The following OPHN1 variants were observed in gnomAD, a reference collection of about 807,000 sequenced individuals.
The protein encoded by OPHN1 is oligophrenin-1.
OPHN1 carries 11 observed loss-of-function variants against 60.7 expected under a neutral mutation model. The ratio of observed to expected loss-of-function variants is 0.18; its 90% CI spans 0.11 to 0.30. The LOEUF is 0.30. Among genes scored for constraint, OPHN1 ranks in the 10% least tolerant of loss-of-function variants. OPHN1 has a pLI of 1.00. For synonymous variants in OPHN1, 226 were observed against 222.6 expected, an observed-to-expected ratio of 1.02 and a Z score of -0.14; for missense variants, 449 against 611.0, an observed-to-expected ratio of 0.73 and a Z score of 2.80.
intron 15 of OPHN1, among the ~76,000 whole-genome samples, chrX:68,183,643 A>G (rs866380573): frequency 9.1e-6 from 1 of 109,857 alleles, no homozygotes; most frequent in South Asian, 3.7e-4. Context: ...AAGTCCTTTT[A>G]CTTTGTCTTG....
At chrX:68,193,636 A>G (rs186988423) in intron 14 of OPHN1, among the ~76,000 whole-genome samples, 2 of 111,880 alleles carry the variant, frequency 1.8e-5, no homozygotes, top group Admixed American at 9.5e-5. Flanking sequence ...CCATCATGAC[A>G]CTGCTTAAGG....
chrX:68,052,765 C>A (rs1377413638), intron 22 of OPHN1, among the ~76,000 whole-genome samples, 175 bp from the exon 23 acceptor site: 1 of 111,944 alleles, frequency 8.9e-6, no homozygotes, highest in East Asian at 2.8e-4. Flanking sequence ...CCCATAGGCA[C>A]CCCTAAGGCC....
intron 2 of OPHN1, among the ~76,000 whole-genome samples, chrX:68,340,412 T>G (rs1229005685): frequency 8.9e-6 from 1 of 112,060 alleles, no homozygotes; most frequent in East Asian, 2.8e-4. Context: ...GCCTACACAT[T>G]TGTGGTCAAT....
chrX:68,052,589 C>T lies in OPHN1; in HGVS notation c.2326G>A (p.Val776Met). 1 of 1,206,971 alleles carries T rather than the reference C, an allele frequency of 8.3e-7. No homozygotes were observed. The highest frequency in any genetic ancestry group is 1.8e-5 in the South Asian group (1 of 55,848). Residue 776 changes from valine (V) to methionine (M), a missense_variant and splice_region_variant, in exon 23 of 25, where the codon GTG becomes ATG. Val to Met is a conservative substitution (Grantham distance 21). This residue lies in a region of OPHN1 where 184 missense variants were observed against 160.5 expected (regional missense o/e 1.15). Coordinates refer to ENST00000355520, the MANE Select transcript of OPHN1 (RefSeq NM_002547.3). Reference protein sequence around the residue: ...GNAGEITSSVVASRTRFFETA... With the variant: ...GNAGEITSSVMASRTRFFETA... ...TCAAAAAACCTGGTCCTGGAAGCCA[C>T]CCTGCAAACAGAAGCCAACCAAGTC...
rs754756151 is a variant in OPHN1, at chrX:68,209,463, G to A, written c.832+690C>T. 3.1e-3 allele frequency among the ~76,000 whole-genome samples: 348 copies of A among 111,803 alleles called. 3 individuals carry two copies. Among genetic ancestry groups the A allele is most frequent in the African/African-American group, 0.011 (331 of 30,786 alleles). On this transcript the variant is annotated intron_variant, in intron 9 of 24. Transcript: ENST00000355520. ...TGCCTTTAGGTGCAGCCACTCAGGA[G>A]GCTGAGGTAGGAGGGCTGCTTGAGC...
At chrX:68,314,817 C>A (rs192657605) in intron 2 of OPHN1, among the ~76,000 whole-genome samples, 2 of 109,802 alleles carry the variant, frequency 1.8e-5, no homozygotes, top group Admixed American at 2.0e-4. Context: ...GAATCCCTGT[C>A]TCTACTAAAA....
At chrX:68,217,715 G>A (rs1174106911) in intron 6 of OPHN1, among the ~76,000 whole-genome samples, 2 of 109,874 alleles carry the variant, frequency 1.8e-5, no homozygotes, top group Admixed American at 9.8e-5. Flanking sequence ...TGCAGCTGAG[G>A]GTCCTCTCTG....
At chrX:68,285,814 T>A (rs1365665063) in intron 3 of OPHN1, among the ~76,000 whole-genome samples, 1 of 110,888 alleles carries the variant, frequency 9.0e-6, no homozygotes, top group Admixed American at 9.7e-5. Flanking sequence ...CAGTAGTAAG[T>A]TTTTCATTTC....
intron 2 of OPHN1, among the ~76,000 whole-genome samples, chrX:68,337,847 T>C (rs2078332028): frequency 9.5e-6 from 1 of 105,348 alleles, no homozygotes; most frequent in Non-Finnish European, 1.9e-5. Context: ...TTTATAATGA[T>C]ACGAGTCAAT....
In OPHN1 at chrX:68,052,600, G is replaced by A; in HGVS notation, c.2325-10C>T. 1 of 1,205,041 alleles carries A rather than the reference G, an allele frequency of 8.3e-7. No homozygotes were observed. Among genetic ancestry groups the A allele is most frequent in the South Asian group, 1.8e-5 (1 of 55,696 alleles). On this transcript the variant is annotated splice_polypyrimidine_tract_variant and intron_variant, in intron 22 of 24. Transcript: ENST00000355520. ...GGTCCTGGAAGCCACCCTGCAAACA[G>A]AAGCCAACCAAGTCCCATAAGTTGC...
chrX:68,071,537 A>C (rs2076934642), intron 20 of OPHN1: 3 of 621,448 alleles, frequency 4.8e-6, no homozygotes, highest in Non-Finnish European at 8.4e-6. Flanking sequence ...AATGGCTCTA[A>C]GGAGTATTGT....
At chrX:68,245,701 T>C (rs1464692832) in intron 5 of OPHN1, among the ~76,000 whole-genome samples, 1 of 112,812 alleles carries the variant, frequency 8.9e-6, no homozygotes, top group African/African-American at 3.2e-5. Flanking sequence ...TGCATACCAC[T>C]TGAGTGCCAG....
rs776843901 is a variant in OPHN1 at position 68,226,550 on chromosome X, GC to G, written c.486+7936del. On this transcript the variant is annotated intron_variant, in intron 6 of 24. Coordinates refer to ENST00000355520, the MANE Select transcript of OPHN1 (RefSeq NM_002547.3). ...TGATTTCTCGGCAGAAACTCTACAA[GC>G]CAGAAGAGAGTAGGGGCCAATATTC... Among the ~76,000 whole-genome samples, 12 of 111,992 alleles carry G rather than the reference GC, an allele frequency of 1.1e-4. No individual in the cohort carries two copies. The South Asian group carries it at 2.3e-3, about 21-fold the overall frequency.
intron 2 of OPHN1, among the ~76,000 whole-genome samples, chrX:68,367,778 T>C (rs2147725985): frequency 9.0e-6 from 1 of 111,421 alleles, no homozygotes; most frequent in Admixed American, 9.6e-5. Context: ...TGAGTTCTCA[T>C]GAGATCTGAT....
At chrX:68,396,608 A>T (rs1190601902) in intron 2 of OPHN1, among the ~76,000 whole-genome samples, 1 of 109,184 alleles carries the variant, frequency 9.2e-6, no homozygotes, top group African/African-American at 3.3e-5. Context: ...TGAGGTCAGG[A>T]GTTTGAGACC....
At chrX:68,199,345 T>TA (rs1178995897) in intron 11 of OPHN1, among the ~76,000 whole-genome samples, 3 of 110,191 alleles carry the variant, frequency 2.7e-5, no homozygotes, top group African/African-American at 9.9e-5. Flanking sequence ...CTATAAAAAA[T>TA]AAAAAATTAG....
At chrX:68,093,843 T>C (rs915245233) in intron 19 of OPHN1, among the ~76,000 whole-genome samples, 1 of 111,129 alleles carries the variant, frequency 9.0e-6, no homozygotes, top group African/African-American at 3.3e-5. Context: ...TGCAAATATT[T>C]TCTCCAAATC....
At chrX:68,066,857 T>C (rs1415262713) in intron 20 of OPHN1, among the ~76,000 whole-genome samples, 1 of 112,199 alleles carries the variant, frequency 8.9e-6, no homozygotes, top group Non-Finnish European at 1.9e-5. Context: ...AGTTCATTGC[T>C]CTGTCAGGTA....
chrX:68,334,314 C>T (rs1171320997), intron 2 of OPHN1, among the ~76,000 whole-genome samples: 1 of 112,216 alleles, frequency 8.9e-6, no homozygotes, highest in Non-Finnish European at 1.9e-5. Flanking sequence ...GGAAGTATGA[C>T]TTCCCCTAAG....
Sources: gnomAD v4.1 joint callset for allele counts (sites outside exome capture counted in the v4.1 genomes callset) on GRCh38, gnomAD v4.1.1 for gene constraint, gnomAD v4.1.1 regional missense constraint, MANE v1.5 for transcripts, NCBI Gene and HGNC (gene_info 2026-07-23, HGNC 2026-07-21) for gene names.